Variants in KDM4C observed in about 807,000 individuals in gnomAD.
KDM4C encodes lysine-specific demethylase 4C.
In KDM4C, 81 loss-of-function variants were observed where a neutral mutation model predicts 129.3. The ratio of observed to expected loss-of-function variants is 0.63; its 90% confidence interval spans 0.52 to 0.75. The LOEUF is 0.75. KDM4C is among the 30% of genes least tolerant of loss of function. KDM4C has a pLI of 0.00. For synonymous variants in KDM4C, 573 were observed against 456.1 expected (o/e 1.26, Z -3.26); for missense variants, 1,457 against 1,304.0 (o/e 1.12, Z -1.81).
chr9:6,742,305 T>C (rs1817729201), intron 1 of KDM4C, among the ~76,000 whole-genome samples: 1 of 152,200 alleles, frequency 6.6e-6, no homozygotes, highest in African/African-American at 2.4e-5. Flanking sequence ...CAATACATTA[T>C]CTTTCCCTGG....
chr9:7,116,019 A>G (rs1219586451), intron 18 of KDM4C, among the ~76,000 whole-genome samples: 2 of 152,034 alleles, frequency 1.3e-5, no homozygotes, highest in Non-Finnish European at 2.9e-5. Flanking sequence ...GTAGTGGGTC[A>G]CTGAAATTAT....
chr9:7,174,888 C>T lies in KDM4C; in HGVS notation c.*159C>T. On this transcript the variant is annotated 3_prime_UTR_variant, in exon 22 of 22. Transcript: ENST00000381309. ...TTCCAGAGTTTGGTCACCAAAAATA[C>T]AAAATACACCCAATGAATTGGACGC... 1 of 577,814 alleles carries T rather than the reference C, an allele frequency of 1.7e-6. No homozygotes were observed. The highest frequency in any genetic ancestry group is 3.1e-6 in the Non-Finnish European group (1 of 324,116). The allele number at this position is 577,814 out of a possible 1,614,324, so 35.8% of individuals were successfully genotyped here.
chr9:7,105,456 T>A, intron 18 of KDM4C: 1 of 470,786 alleles, frequency 2.1e-6, no homozygotes, highest in Non-Finnish European at 4.4e-6. Context: ...TACTACTACT[T>A]CTGCTGCTGC....
chr9:6,789,046 GTT>G (rs572673032), intron 1 of KDM4C, among the ~76,000 whole-genome samples: 14 of 135,084 alleles, frequency 1.0e-4, no homozygotes, highest in Non-Finnish European at 1.3e-4. Context: ...CCAGATTTTT[GTT>G]TTTTTTTTTT....
chr9:6,826,633 A>G (rs146453851), intron 4 of KDM4C, among the ~76,000 whole-genome samples: 1 of 152,130 alleles, frequency 6.6e-6, no homozygotes, highest in Non-Finnish European at 1.5e-5. Flanking sequence ...TGGGAGGCCA[A>G]GGTGGGTGGA....
At chr9:7,008,342 G>A (rs1822054686) in intron 12 of KDM4C, among the ~76,000 whole-genome samples, 2 of 152,130 alleles carry the variant, frequency 1.3e-5, no homozygotes, top group South Asian at 4.1e-4. Context: ...CAAGTGTCAG[G>A]TCAGTACCCA....
intron 8 of KDM4C, among the ~76,000 whole-genome samples, chr9:6,972,689 G>A (rs927967742): frequency 1.3e-5 from 2 of 152,180 alleles, no homozygotes; most frequent in African/African-American, 4.8e-5. Flanking sequence ...TTTCATGTTA[G>A]GCAGCTAATG....
chr9:7,021,140 G>GTGTATATATA (rs111565497), intron 15 of KDM4C, among the ~76,000 whole-genome samples: 2 of 146,888 alleles, frequency 1.4e-5, no homozygotes, highest in African/African-American at 5.1e-5. Context: ...GTGTGTGTGT[G>GTGTATATATA]TATATATATA....
At chr9:7,001,434 G>T (rs538422344) in intron 12 of KDM4C, among the ~76,000 whole-genome samples, 2 of 152,172 alleles carry the variant, frequency 1.3e-5, no homozygotes, top group Non-Finnish European at 2.9e-5. Context: ...GAATCTTCTT[G>T]GGGACCCCCA....
intron 8 of KDM4C, among the ~76,000 whole-genome samples, chr9:6,939,968 A>ACCTTCCTT: frequency 4.9e-5 from 6 of 122,502 alleles, no homozygotes; most frequent in South Asian, 2.8e-4. Flanking sequence ...CAACCTACCT[A>ACCTTCCTT]CCTACCTACC....
intron 8 of KDM4C, among the ~76,000 whole-genome samples, chr9:6,954,579 A>G (rs10975935): frequency 0.21 from 32,104 of 152,110 alleles, 3,842 homozygotes; most frequent in East Asian, 0.33. Context: ...TTATATGAAA[A>G]ATTCTTATAT....
intron 8 of KDM4C, among the ~76,000 whole-genome samples, chr9:6,933,420 A>T (rs1438060314): frequency 6.6e-6 from 1 of 152,228 alleles, no homozygotes; most frequent in Non-Finnish European, 1.5e-5. Context: ...TGGTTGAAAT[A>T]AAACAGCATT....
At chr9:7,104,630 G>A (rs2133162289) in intron 18 of KDM4C, among the ~76,000 whole-genome samples, 1 of 152,284 alleles carries the variant, frequency 6.6e-6, no homozygotes, top group East Asian at 1.9e-4. Flanking sequence ...AGAGATAGTT[G>A]ATATGTCTTT....
At chr9:7,023,651 C>T (rs943130382) in intron 15 of KDM4C, among the ~76,000 whole-genome samples, 2 of 151,992 alleles carry the variant, frequency 1.3e-5, no homozygotes, top group African/African-American at 4.8e-5. Flanking sequence ...CTCTGATCTT[C>T]ATTATTGTTT....
intron 12 of KDM4C, among the ~76,000 whole-genome samples, chr9:7,000,148 T>A (rs1820471236): frequency 6.6e-6 from 1 of 152,080 alleles, no homozygotes; most frequent in African/African-American, 2.4e-5. Context: ...TAATAATAAT[T>A]TGGTGTTCTC....
At chr9:6,951,991 G>A (rs1828237770) in intron 8 of KDM4C, among the ~76,000 whole-genome samples, 1 of 151,924 alleles carries the variant, frequency 6.6e-6, no homozygotes, top group Non-Finnish European at 1.5e-5. Context: ...AATTGACCCT[G>A]CTGTTACTTA....
chr9:7,167,571 C>A (rs1266979862), intron 20 of KDM4C, among the ~76,000 whole-genome samples: 1 of 152,184 alleles, frequency 6.6e-6, no homozygotes, highest in African/African-American at 2.4e-5. Flanking sequence ...CCATTGTTAG[C>A]CCTCCCGGAA....
chr9:6,739,556 G>T (rs1052698195), intron 1 of KDM4C, among the ~76,000 whole-genome samples: 2 of 151,884 alleles, frequency 1.3e-5, no homozygotes, highest in Non-Finnish European at 2.9e-5. Context: ...AGCATTAAAT[G>T]TGGTTACCCA....
intron 17 of KDM4C, among the ~76,000 whole-genome samples, chr9:7,069,603 C>T (rs1178726575): frequency 6.6e-6 from 1 of 152,188 alleles, no homozygotes; most frequent in Non-Finnish European, 1.5e-5. Flanking sequence ...TTTTGTCTCT[C>T]AATTTCCTCT....
Sources: allele counts gnomAD v4.1 joint callset (sites outside exome capture counted in the v4.1 genomes callset), GRCh38; gene constraint gnomAD v4.1.1; transcripts MANE v1.5; gene names NCBI Gene and HGNC (gene_info 2026-07-23, HGNC 2026-07-21).